ADCY8: variants seen among roughly 807,000 people sequenced by gnomAD.
ADCY8 encodes the protein adenylate cyclase 8, also known as adenylate cyclase type 8.
ADCY8 carries 51 observed loss-of-function variants against 119.7 expected under a neutral mutation model. That is an observed-to-expected ratio of 0.43 (90% CI 0.34 to 0.54). ADCY8 has a LOEUF of 0.54. Among genes scored for constraint, ADCY8 ranks in the 20% least tolerant of loss-of-function variants. The pLI is 0.03. For missense variants in ADCY8, 1,383 were observed against 1,598.8 expected (o/e 0.87, Z 2.30); for synonymous variants, 665 against 651.0 (o/e 1.02, Z -0.33).
At position 131,040,358 on chromosome 8, in the gene ADCY8, C is replaced by T. The variant is rs750666203; in HGVS notation, c.-25G>A. ...TGGCTCTGGGCCGCAGGGAAGGAGG[C>T]CCAGAACCTTGGGGAGGCAGCCGGA... is the stretch of plus-strand genomic sequence containing the variant. On this transcript the variant is annotated 5_prime_UTR_variant, in exon 1 of 18. Coordinates refer to ENST00000286355, the MANE Select transcript of ADCY8 (RefSeq NM_001115.3). 3 of 1,466,572 alleles carry T rather than the reference C, an allele frequency of 2.0e-6. No homozygotes were observed. The highest frequency in any genetic ancestry group is 2.7e-6 in the Non-Finnish European group (3 of 1,116,164). The allele number at this position is 1,466,572 out of a possible 1,614,324, so 90.8% of individuals were successfully genotyped here. A position where few individuals can be genotyped will look rare whatever the true frequency, so the allele number is the denominator to read the frequency against.
intron 5 of ADCY8, among the ~76,000 whole-genome samples, chr8:130,910,079 C>T (rs1819933289): frequency 2.0e-5 from 3 of 151,998 alleles, no homozygotes; most frequent in Admixed American, 2.0e-4. Context: ...TCGTGATCCT[C>T]CCGCCTCGGC....
In ADCY8 at chr8:130,821,405, G is replaced by C; in HGVS notation, c.2691C>G (p.Thr897=). 6.2e-7 allele frequency: 1 copy of C among 1,613,120 alleles called. No individual in the cohort carries two copies. Among genetic ancestry groups the C allele is most frequent in the Non-Finnish European group, 8.5e-7 (1 of 1,179,386 alleles). Residue 897 remains threonine (T), a synonymous_variant, in exon 13 of 18, where the codon ACC becomes ACG. Transcript: ENST00000286355. ...LNHSGEDFLG[T]KEVSLLLMAM... is the part of the protein sequence containing the mutation. ...CCATCAGTAGCAGTGATACCTCCTT[G>C]GTCCCCAGGAAATCTCTGTTGGAAG...
intron 9 of ADCY8, among the ~76,000 whole-genome samples, chr8:130,857,442 C>T (rs997079286): frequency 6.6e-6 from 1 of 152,216 alleles, no homozygotes; most frequent in South Asian, 2.1e-4. Flanking sequence ...TGTAACTTGT[C>T]TCTTTATCCT....
rs764890949 is a variant in ADCY8 at position 130,812,645 on chromosome 8, G to A, written c.2913+1424C>T. Among the ~76,000 whole-genome samples the A allele has an allele frequency of 5.9e-4, 90 of 152,322 alleles. 1 individual carries two copies. Among genetic ancestry groups the A allele is most frequent in the Middle Eastern group, 3.4e-3 (1 of 294 alleles). On this transcript the variant is annotated intron_variant, in intron 14 of 17. Coordinates refer to ENST00000286355, the MANE Select transcript of ADCY8 (RefSeq NM_001115.3). ...GATTCTCCCCCAGACCCTATGGAGA[G>A]GGCATGAGACTCCCAGCACCTTGAT...
At chr8:130,936,072 C>CGTGTGTGTGTGTGT (rs1563735585) in intron 5 of ADCY8, among the ~76,000 whole-genome samples, 2 of 97,160 alleles carry the variant, frequency 2.1e-5, no homozygotes, top group South Asian at 3.2e-4. Flanking sequence ...CAAGCACTGA[C>CGTGTGTGTGTGTGT]ATGTGTGTGT....
At chr8:130,963,044 T>C (rs1473048562) in intron 2 of ADCY8, among the ~76,000 whole-genome samples, 1 of 151,944 alleles carries the variant, frequency 6.6e-6, no homozygotes, top group Admixed American at 6.6e-5. Context: ...AGAGTTTAAG[T>C]AAATCAGGCA....
intron 4 of ADCY8, among the ~76,000 whole-genome samples, chr8:130,940,768 T>C (rs1820931630): frequency 6.6e-6 from 1 of 152,228 alleles, no homozygotes; most frequent in Admixed American, 6.5e-5. Flanking sequence ...GAAAATTTTA[T>C]TGAGTTGGCC....
intron 1 of ADCY8, among the ~76,000 whole-genome samples, chr8:131,003,985 A>C (rs1563763749): frequency 6.6e-6 from 1 of 152,166 alleles, no homozygotes; most frequent in Non-Finnish European, 1.5e-5. Flanking sequence ...ATAAAAACAA[A>C]CAACAACAAC....
intron 1 of ADCY8, among the ~76,000 whole-genome samples, chr8:131,011,174 GAAA>G (rs5742177): frequency 0.54 from 79,029 of 146,588 alleles, 21,449 homozygotes; most frequent in East Asian, 0.73. Context: ...TTTATTGAAT[GAAA>G]AAAAAAAAAA....
intron 14 of ADCY8, among the ~76,000 whole-genome samples, chr8:130,813,591 T>A (rs925086421): frequency 6.6e-6 from 1 of 152,242 alleles, no homozygotes; most frequent in Non-Finnish European, 1.5e-5. Flanking sequence ...CTGAATAATA[T>A]TCCACTTTAT....
At chr8:130,781,838 C>T (rs1391822995) in intron 17 of ADCY8, among the ~76,000 whole-genome samples, 2 of 152,166 alleles carry the variant, frequency 1.3e-5, no homozygotes, top group African/African-American at 4.8e-5. Flanking sequence ...ATGTATGTCT[C>T]TTTCTAAAAG....
At chr8:131,012,527 A>T (rs1284291447) in intron 1 of ADCY8, among the ~76,000 whole-genome samples, 1 of 152,226 alleles carries the variant, frequency 6.6e-6, no homozygotes, top group Non-Finnish European at 1.5e-5. Context: ...TCCTAGAGGT[A>T]CAAGGGGTGC....
chr8:130,825,893 G>A (rs554458663), intron 12 of ADCY8, among the ~76,000 whole-genome samples: 32 of 152,234 alleles, frequency 2.1e-4, no homozygotes, highest in African/African-American at 4.8e-4. Flanking sequence ...CCACACAGGC[G>A]GTCATCCTGA....
At chr8:131,010,387 T>C (rs1360208) in intron 1 of ADCY8, among the ~76,000 whole-genome samples, 3,703 of 152,274 alleles carry the variant, frequency 0.024, 48 homozygotes, top group East Asian at 0.056. Flanking sequence ...CAAATCTGCA[T>C]AGGGTTTTGG....
chr8:130,785,329 T>A, intron 16 of ADCY8, 54 bp downstream of exon 16: 1 of 1,307,544 alleles, frequency 7.6e-7, no homozygotes, highest in Non-Finnish European at 1.1e-6. Flanking sequence ...GTCGGTGACA[T>A]GACAACAGCA....
intron 9 of ADCY8, among the ~76,000 whole-genome samples, chr8:130,862,819 T>C (rs1817985425): frequency 6.6e-6 from 1 of 152,238 alleles, no homozygotes; most frequent in African/African-American, 2.4e-5. Flanking sequence ...TTTCTATTAT[T>C]GAATTTTAGT....
Position 131,039,985 on chromosome 8 carries a change from T to C in ADCY8, c.349A>G (p.Ser117Gly). The change falls in exon 1 of 18, where the codon AGT becomes GGT. Residue 117 changes from serine (S) to glycine (G), a missense_variant. Ser to Gly is a moderately conservative substitution (Grantham distance 56). Coordinates refer to ENST00000286355, the MANE Select transcript of ADCY8 (RefSeq NM_001115.3). Reference sequence around the variant, plus strand: ...CCCCCGCCTCCGCTGCCGCTGGCACTGCCGCTCCCGCTGCGTTCCGGGAAG... The same window carrying C: ...CCCCCGCCTCCGCTGCCGCTGGCACCGCCGCTCCCGCTGCGTTCCGGGAAG... ...KVFPERSGSGSASGSGGGGDL... is the reference protein window; with the variant it reads ...KVFPERSGSGGASGSGGGGDL... The C allele has an allele frequency of 4.4e-6, 7 of 1,575,894 alleles. No individual in the cohort carries two copies. The highest frequency in any genetic ancestry group is 6.0e-6 in the Non-Finnish European group (7 of 1,162,098).
intron 5 of ADCY8, among the ~76,000 whole-genome samples, chr8:130,924,762 C>G (rs1305187060): frequency 1.3e-5 from 2 of 152,152 alleles, no homozygotes; most frequent in Non-Finnish European, 2.9e-5. Flanking sequence ...CATTGTTGCT[C>G]TAAACTAGTC....
intron 6 of ADCY8, among the ~76,000 whole-genome samples, chr8:130,909,000 TCTCTCTCTC>T (rs1819882954): frequency 6.6e-6 from 1 of 151,114 alleles, no homozygotes; most frequent in African/African-American, 2.4e-5. Flanking sequence ...TCTCTCTCTC[TCTCTCTCTC>T]TTTCTCTATC....
Sources: gnomAD v4.1 joint callset for allele counts (sites outside exome capture counted in the v4.1 genomes callset) on GRCh38, gnomAD v4.1.1 for gene constraint, MANE v1.5 for transcripts, NCBI Gene and HGNC (gene_info 2026-07-23, HGNC 2026-07-21) for gene names.